Variants in SH3RF1 observed in about 807,000 individuals in gnomAD.
SH3RF1 encodes E3 ubiquitin-protein ligase SH3RF1.
A neutral mutation model predicts 74.0 loss-of-function variants in SH3RF1; 32 were observed. The ratio of observed to expected loss-of-function variants is 0.43; its 90% CI spans 0.33 to 0.58. SH3RF1 has a LOEUF of 0.58. SH3RF1 is among the 20% of genes least tolerant of loss of function. The probability of loss-of-function intolerance (pLI) is 0.05; values close to 1 mark genes in which losing one functional copy is unlikely to be tolerated. For synonymous variants in SH3RF1, 396 were observed against 439.6 expected, an observed-to-expected ratio of 0.90 and a Z score of 1.24; for missense variants, 954 against 1,130.9, an observed-to-expected ratio of 0.84 and a Z score of 2.24.
At chr4:169,249,773 C>CT (rs1343490949) in intron 2 of SH3RF1, among the ~76,000 whole-genome samples, 1 of 152,136 alleles carries the variant, frequency 6.6e-6, no homozygotes, top group Non-Finnish European at 1.5e-5. Flanking sequence ...AGTACAGTAA[C>CT]TGTGAGGCAT....
At chr4:169,238,517 T>C (rs930862449) in intron 2 of SH3RF1, among the ~76,000 whole-genome samples, 4 of 152,190 alleles carry the variant, frequency 2.6e-5, no homozygotes, top group Admixed American at 2.0e-4. Flanking sequence ...GCCTGTGAGG[T>C]AGGCAGGGCT....
At chr4:169,231,731 TC>T (rs1730743078) in intron 2 of SH3RF1, among the ~76,000 whole-genome samples, 1 of 152,176 alleles carries the variant, frequency 6.6e-6, no homozygotes, top group South Asian at 2.1e-4. Flanking sequence ...CCCTTCCAAA[TC>T]ACCTGGACAA....
chr4:169,166,691 C>T, intron 2 of SH3RF1: 1 of 199,926 alleles, frequency 5.0e-6, no homozygotes, highest in Non-Finnish European at 1.0e-5. Flanking sequence ...AACTGCGAGC[C>T]AGCATCACCC....
intron 11 of SH3RF1, among the ~76,000 whole-genome samples, chr4:169,100,749 C>T (rs958263617): frequency 6.6e-6 from 1 of 152,176 alleles, no homozygotes; most frequent in African/African-American, 2.4e-5. Context: ...GCCTGGTATG[C>T]GAAGCCCTTG....
chr4:169,107,076 C>T lies in SH3RF1; in HGVS notation c.2269G>A (p.Val757Met). ...CCTCCTGGTGGCAGTTCGGGCCCCA[C>T]CGCTCCCTGGAGAGGAAGCTCTGCA... ...GSAELPLQGA[V>M]GPELPPGGGH... The change falls in exon 11 of 12, where the codon GTG becomes ATG. Residue 757 changes from valine (V) to methionine (M), a missense_variant. By Grantham distance (21) the Val-to-Met change is conservative. Transcript: ENST00000284637. The T allele has an allele frequency of 6.2e-7, 1 of 1,614,016 alleles. No homozygotes were observed. Among genetic ancestry groups the T allele is most frequent in the South Asian group, 1.1e-5 (1 of 91,078 alleles).
intron 2 of SH3RF1, among the ~76,000 whole-genome samples, chr4:169,226,721 A>G (rs1451540608): frequency 1.3e-5 from 2 of 152,230 alleles, no homozygotes; most frequent in Non-Finnish European, 2.9e-5. Context: ...CTATCTTTGT[A>G]AATCTATTTT....
chr4:169,255,448 A>T (rs1459955509), intron 2 of SH3RF1, among the ~76,000 whole-genome samples: 1 of 152,122 alleles, frequency 6.6e-6, no homozygotes, highest in Non-Finnish European at 1.5e-5. Context: ...AAAATAACCA[A>T]AACATGGAAA....
intron 2 of SH3RF1, among the ~76,000 whole-genome samples, chr4:169,266,550 G>A (rs547336905): frequency 1.4e-4 from 20 of 141,756 alleles, no homozygotes; most frequent in Admixed American, 1.2e-3. Flanking sequence ...GGCCCTGACT[G>A]TTCTGAATAT....
intron 2 of SH3RF1, among the ~76,000 whole-genome samples, chr4:169,185,945 G>A (rs1201824501): frequency 2.6e-5 from 4 of 152,206 alleles, no homozygotes; most frequent in East Asian, 1.9e-4. Flanking sequence ...AAGCTTATTC[G>A]CACATACCTT....
rs1733983556 is a variant in SH3RF1, at chr4:169,151,965, G to A, written c.765+3515C>T. Among the ~76,000 whole-genome samples the A allele has an allele frequency of 2.0e-5, 3 of 152,288 alleles. No homozygotes were observed. In the South Asian group the frequency reaches 6.2e-4, roughly 32 times the overall value. On this transcript the variant is annotated intron_variant, in intron 4 of 11. Transcript: ENST00000284637. ...ATGTCATCCAAACTTGAATGAATGA[G>A]TCAGCTCCAAATTAATAGGGTTAAA...
intron 2 of SH3RF1, among the ~76,000 whole-genome samples, chr4:169,235,271 T>C (rs761002392): frequency 6.6e-6 from 1 of 152,170 alleles, no homozygotes; most frequent in Admixed American, 6.5e-5. Context: ...CAGACTAAAC[T>C]CGTCATCAAA....
chr4:169,244,423 T>TC (rs1554010695), intron 2 of SH3RF1, among the ~76,000 whole-genome samples: 2 of 151,904 alleles, frequency 1.3e-5, no homozygotes, highest in East Asian at 1.9e-4. Context: ...ATTTTTTTTT[T>TC]AAGCCACTGC....
chr4:169,148,146 CT>C (rs1308814065), intron 4 of SH3RF1, among the ~76,000 whole-genome samples: 1 of 152,090 alleles, frequency 6.6e-6, no homozygotes, highest in South Asian at 2.1e-4. Context: ...GCCCTATACA[CT>C]TTTTAAGCAA....
At chr4:169,101,659 T>C (rs1733037180) in intron 11 of SH3RF1, among the ~76,000 whole-genome samples, 1 of 150,090 alleles carries the variant, frequency 6.7e-6, no homozygotes, top group Admixed American at 6.6e-5. Flanking sequence ...TAAAATTTTT[T>C]GTTTAAAAAA....
chr4:169,232,038 C>T (rs1430415024), intron 2 of SH3RF1, among the ~76,000 whole-genome samples: 1 of 152,200 alleles, frequency 6.6e-6, no homozygotes, highest in African/African-American at 2.4e-5. Flanking sequence ...GGCCAGGTTT[C>T]TGGTTAGGTA....
chr4:169,162,638 G>A (rs1437105020), intron 2 of SH3RF1, among the ~76,000 whole-genome samples: 1 of 152,194 alleles, frequency 6.6e-6, no homozygotes, highest in Admixed American at 6.5e-5. Context: ...GATGGCAGCT[G>A]CAAATAAACA....
chr4:169,196,918 A>C (rs1375359447), intron 2 of SH3RF1, among the ~76,000 whole-genome samples: 1 of 152,164 alleles, frequency 6.6e-6, no homozygotes, highest in Admixed American at 6.5e-5. Flanking sequence ...TAAGTCTGTT[A>C]ATTAGTTTTG....
chr4:169,191,954 G>GA (rs971236198), intron 2 of SH3RF1, among the ~76,000 whole-genome samples: 6 of 151,308 alleles, frequency 4.0e-5, no homozygotes, highest in African/African-American at 7.3e-5. Context: ...GATAACACTG[G>GA]AAAAAAAACC....
At chr4:169,217,964 C>T (rs528153723) in intron 2 of SH3RF1, among the ~76,000 whole-genome samples, 1 of 151,980 alleles carries the variant, frequency 6.6e-6, no homozygotes, top group Non-Finnish European at 1.5e-5. Context: ...TTTTCCAAAT[C>T]ATCACAACAC....
Sources: gnomAD v4.1 joint callset for allele counts (sites outside exome capture counted in the v4.1 genomes callset) on GRCh38, gnomAD v4.1.1 for gene constraint, MANE v1.5 for transcripts, NCBI Gene and HGNC (gene_info 2026-07-23, HGNC 2026-07-21) for gene names.